Variants in TBC1D13 observed in about 807,000 individuals in gnomAD.
TBC1D13 encodes epididymis secretory sperm binding protein.
Under a neutral mutation model 53.6 loss-of-function variants are expected in TBC1D13, and 40 were observed. The ratio of observed to expected loss-of-function variants is 0.75; its 90% CI spans 0.58 to 0.97. The LOEUF (loss-of-function observed/expected upper bound fraction) is 0.97, where lower values mean the gene tolerates loss of function less well. TBC1D13 is among the 50% of genes least tolerant of loss of function. The pLI is 0.00. For synonymous variants in TBC1D13, 182 were observed against 197.7 expected (o/e 0.92, Z 0.67); for missense variants, 377 against 499.4 (o/e 0.75, Z 2.34).
intron 6 of TBC1D13, among the ~76,000 whole-genome samples, chr9:128,794,714 A>G (rs1473495887): frequency 6.6e-6 from 1 of 151,258 alleles, no homozygotes; most frequent in African/African-American, 2.4e-5. Context: ...ACCTCAAGTG[A>G]TCCACCCGCT....
chr9:128,788,224 A>C, intron 1 of TBC1D13, 110 bp from the exon 2 acceptor site: 1 of 901,366 alleles, frequency 1.1e-6, no homozygotes, highest in South Asian at 1.4e-5. Flanking sequence ...TATGTCCTAA[A>C]GGGGAGAGAG....
intron 6 of TBC1D13, among the ~76,000 whole-genome samples, chr9:128,793,796 G>T (rs1829578039): frequency 6.6e-6 from 1 of 152,184 alleles, no homozygotes; most frequent in East Asian, 1.9e-4. Context: ...TCTCCAAGGG[G>T]CAGCTCTCAG....
rs1469385863 is a variant in TBC1D13, at chr9:128,787,420, A to G, written c.23+44A>G. 29 of 1,250,346 alleles carry G rather than the reference A, an allele frequency of 2.3e-5. No homozygotes were observed. In the Middle Eastern group the frequency reaches 2.3e-3, roughly 97 times the overall value. 77.5% of individuals were successfully genotyped at this position (1,250,346 alleles called of 1,614,324 possible). A position where few individuals can be genotyped will look rare whatever the true frequency, so the allele number is the denominator to read the frequency against. ...TGACCCGGCTGGGCCACTCCTGGCC[A>G]GGCTGCCCCTTCTGCCCCTCAGAAG... On this transcript the variant is annotated intron_variant, in intron 1 of 11. Transcript: ENST00000372648.
In TBC1D13 at chr9:128,807,869, A is replaced by G. The variant is rs1829865946; in HGVS notation, c.1193A>G (p.Asp398Gly). ...QILQKAKELQ[D>G]SK is the part of the protein sequence containing the mutation. ...CTGCAGAAAGCCAAGGAGCTCCAAG[A>G]CTCAAAGTAGCCCGGCGGCAAGAGG... Residue 398 changes from aspartate to glycine, a missense_variant, in exon 12 of 12, where the codon GAC (aspartate) becomes GGC (glycine). Transcript: ENST00000372648. 2 of 1,613,960 alleles carry G rather than the reference A, an allele frequency of 1.2e-6. No individual in the cohort carries two copies. The highest frequency in any genetic ancestry group is 1.7e-5 in the Admixed American group (1 of 59,998).
In TBC1D13 at chr9:128,797,663, C is replaced by T. The variant is rs548677691; in HGVS notation, c.543+449C>T. On this transcript the variant is annotated intron_variant, in intron 7 of 11. Transcript: ENST00000372648. ...ACAAAAAATACAAAAATTAGCTGGG[C>T]ATGATGGCATGTGCCTGTAGTCCCA... is the stretch of plus-strand genomic sequence containing the variant. Among the ~76,000 whole-genome samples the T allele has an allele frequency of 5.9e-5, 9 of 152,202 alleles. No homozygotes were observed. The East Asian group carries it at 1.7e-3, about 29-fold the overall frequency.
intron 6 of TBC1D13, 142 bp from the exon 7 acceptor site, chr9:128,796,913 G>A (rs1236271707): frequency 7.0e-6 from 6 of 860,002 alleles, no homozygotes; most frequent in South Asian, 1.6e-5. Context: ...TTCAGCCTGG[G>A]CGACAGTGCA....
chr9:128,803,909 G>A lies in TBC1D13; in HGVS notation c.755-47G>A, dbSNP rs373589907. The A allele has an allele frequency of 2.6e-5, 41 of 1,603,048 alleles. No homozygotes were observed. The African/African-American group carries it at 5.2e-4, about 20-fold the overall frequency. ...AGATGTCTGGTAGGTGAGAGGTGGG[G>A]TGGGCCTGGAGTGCGCCACTTCTGC... On this transcript the variant is annotated intron_variant, in intron 8 of 11. Coordinates refer to ENST00000372648, the MANE Select transcript of TBC1D13 (RefSeq NM_018201.5).
At chr9:128,803,564 G>T (rs1829775700) in intron 8 of TBC1D13, 104 bp downstream of exon 8, 4 of 1,094,736 alleles carry the variant, frequency 3.7e-6, no homozygotes, top group Non-Finnish European at 5.4e-6. Context: ...CAGATGAGGA[G>T]TTGGCCTGGA....
chr9:128,796,524 T>C (rs557520896), intron 6 of TBC1D13, among the ~76,000 whole-genome samples: 1 of 152,108 alleles, frequency 6.6e-6, no homozygotes, highest in Non-Finnish European at 1.5e-5. Context: ...GTGCTGGGAT[T>C]ATAGGCGTGA....
intron 6 of TBC1D13, among the ~76,000 whole-genome samples, chr9:128,795,275 C>T (rs74950815): frequency 6.8e-6 from 1 of 146,702 alleles, no homozygotes; most frequent in Non-Finnish European, 1.5e-5. Context: ...CTGGAGTGCA[C>T]TGGCGCAATC....
Position 128,803,394 on chromosome 9 carries a change from G to A in TBC1D13, c.688G>A (p.Gly230Ser). 1 of 1,614,222 alleles carries A rather than the reference G, an allele frequency of 6.2e-7. No individual in the cohort carries two copies. The highest frequency in any genetic ancestry group is 8.5e-7 in the Non-Finnish European group (1 of 1,180,034). ...KLNPGIAYVQ[G>S]MNEIVGPLYY... ...CAACCCTGGCATCGCTTATGTGCAA[G>A]GCATGAATGAAATCGTGGGGCCCCT... The change falls in exon 8 of 12, where the codon GGC becomes AGC. Residue 230 changes from glycine to serine, a missense_variant. Physicochemically the swap from Gly to Ser is moderately conservative, Grantham distance 56. Transcript: ENST00000372648.
intron 7 of TBC1D13, among the ~76,000 whole-genome samples, chr9:128,800,058 T>C (rs189139817): frequency 6.6e-6 from 1 of 152,314 alleles, no homozygotes; most frequent in African/African-American, 2.4e-5. Flanking sequence ...TAAATGTGGC[T>C]GATGTGTGTC....
intron 2 of TBC1D13, among the ~76,000 whole-genome samples, chr9:128,788,677 A>T (rs752294931): frequency 2.7e-4 from 41 of 151,766 alleles, no homozygotes; most frequent in Non-Finnish European, 3.8e-4. Flanking sequence ...GAGGTGCCAG[A>T]TTCCTGAGAG....
chr9:128,787,452 G>C, intron 1 of TBC1D13, 76 bp downstream of exon 1: 1 of 1,237,886 alleles, frequency 8.1e-7, no homozygotes, highest in Non-Finnish European at 1.0e-6. Context: ...GAAGGGGGAA[G>C]CGCGGGTGTG....
chr9:128,791,731 A>T (rs1564422854), intron 5 of TBC1D13, 38 bp downstream of exon 5: 1 of 1,590,666 alleles, frequency 6.3e-7, no homozygotes, highest in Non-Finnish European at 8.6e-7. Flanking sequence ...AGGATACAGA[A>T]TGTGGAGGGG....
intron 6 of TBC1D13, among the ~76,000 whole-genome samples, chr9:128,796,010 G>A (rs1178254364): frequency 2.6e-5 from 4 of 152,116 alleles, no homozygotes; most frequent in Non-Finnish European, 5.9e-5. Context: ...CACATAAAAT[G>A]TGGGCATGTA....
Position 128,808,261 on chromosome 9 carries a change from A to G in TBC1D13, c.*382A>G, listed in dbSNP as rs994388950. The G allele has an allele frequency of 4.4e-5, 11 of 249,446 alleles. No individual in the cohort carries two copies. Among genetic ancestry groups the G allele is most frequent in the African/African-American group, 1.9e-4 (9 of 46,386 alleles). The allele number at this position is 249,446 out of a possible 1,614,324, so 15.5% of individuals were successfully genotyped here. On this transcript the variant is annotated 3_prime_UTR_variant, in exon 12 of 12. Coordinates refer to ENST00000372648, the MANE Select transcript of TBC1D13 (RefSeq NM_018201.5). ...TCCACTCAGGGGAGGTGCTTGGCCA[A>G]TGGGCCAGAAACCGCTTCTGAGCGG... is the stretch of plus-strand genomic sequence containing the variant.
At chr9:128,805,830 GC>G (rs746678483) in intron 9 of TBC1D13, 28 bp from the exon 10 acceptor site, 1 of 1,605,616 alleles carries the variant, frequency 6.2e-7, no homozygotes. Flanking sequence ...ACAGAGTCAT[GC>G]CCCCCACCCC....
intron 2 of TBC1D13, among the ~76,000 whole-genome samples, chr9:128,789,420 C>T (rs994908330): frequency 6.6e-6 from 1 of 151,272 alleles, no homozygotes; most frequent in African/African-American, 2.4e-5. Context: ...AGGGATACTA[C>T]AGCAGCAACT....
Sources: gnomAD v4.1 joint callset for allele counts (sites outside exome capture counted in the v4.1 genomes callset) on GRCh38, gnomAD v4.1.1 for gene constraint, MANE v1.5 for transcripts, NCBI Gene and HGNC (gene_info 2026-07-23, HGNC 2026-07-21) for gene names.